Variants in GPHN observed in about 807,000 individuals in gnomAD.
GPHN encodes gephyrin.
A neutral mutation model predicts 95.5 loss-of-function variants in GPHN; 17 were observed. That is an observed-to-expected ratio of 0.18 (90% CI 0.12 to 0.27). GPHN has a LOEUF of 0.27. Ranked by LOEUF, GPHN falls within the 10% of genes least tolerant of loss-of-function variation. The probability of loss-of-function intolerance (pLI) is 1.00; values close to 1 mark genes in which losing one functional copy is unlikely to be tolerated. For missense variants in GPHN, 660 were observed against 978.1 expected (o/e 0.67, Z 4.34); for synonymous variants, 320 against 322.5 (o/e 0.99, Z 0.08).
At chr14:66,768,997 G>A (rs548735705) in intron 2 of GPHN, among the ~76,000 whole-genome samples, 1 of 151,934 alleles carries the variant, frequency 6.6e-6, no homozygotes, top group Non-Finnish European at 1.5e-5. Context: ...GAAAAATGTG[G>A]ATATGTGTAA....
At chr14:67,003,761 C>G (rs751247121) in intron 9 of GPHN, among the ~76,000 whole-genome samples, 1 of 151,634 alleles carries the variant, frequency 6.6e-6, no homozygotes, top group African/African-American at 2.4e-5. Context: ...CTGCCTCTTC[C>G]TGGTAAATGA....
At chr14:67,243,063 C>G in the GPHN span, among the ~76,000 whole-genome samples, 11 of 152,062 alleles carry the variant, frequency 7.2e-5, no homozygotes, top group Non-Finnish European at 1.2e-4. Context: ...TCACCCATTC[C>G]AAGAAATTTG....
the GPHN span, chr14:67,586,460 CTCGCATGTTACCCCTGGGT>C: frequency 7.8e-7 from 1 of 1,276,362 alleles, no homozygotes; most frequent in South Asian, 1.2e-5. Context: ...CTTTAAGGTG[CTCGCATGTTACCCCTGGGT>C]TCTGCTGACC....
At chr14:66,723,232 C>T (rs953949944) in intron 2 of GPHN, among the ~76,000 whole-genome samples, 11 of 151,116 alleles carry the variant, frequency 7.3e-5, no homozygotes, top group East Asian at 1.9e-4. Context: ...CTTGTAAAGA[C>T]GAGTTATAAA....
At chr14:67,473,726 C>T in the GPHN span, 1 of 1,610,430 alleles carries the variant, frequency 6.2e-7, no homozygotes, top group Non-Finnish European at 8.5e-7. The surrounding 1 kb of genome is among the most constrained non-coding windows in gnomAD (Gnocchi z 6.5). Flanking sequence ...GGCCGCGCAG[C>T]CGCAGGTACA....
the GPHN span, among the ~76,000 whole-genome samples, chr14:67,620,718 G>A: frequency 3.9e-5 from 6 of 152,116 alleles, no homozygotes; most frequent in Admixed American, 6.5e-5. Flanking sequence ...AGCCTCTCCC[G>A]TCTTGGCTTG....
chr14:67,646,507 A>T, the GPHN span: 1 of 634,450 alleles, frequency 1.6e-6, no homozygotes, highest in African/African-American at 1.8e-5. Flanking sequence ...TCCCAGATCA[A>T]GTGTGTCCTG....
the GPHN span, among the ~76,000 whole-genome samples, chr14:67,732,650 C>T: frequency 2.0e-5 from 3 of 152,036 alleles, no homozygotes; most frequent in Admixed American, 6.5e-5. Context: ...GATCTCCACT[C>T]ACTGCAACCT....
At chr14:67,238,650 CT>C in the GPHN span, among the ~76,000 whole-genome samples, 77 of 147,200 alleles carry the variant, frequency 5.2e-4, no homozygotes, top group South Asian at 2.1e-3. Flanking sequence ...AAAATAATAA[CT>C]TTTTTTTTTT....
intron 19 of GPHN, among the ~76,000 whole-genome samples, chr14:67,161,082 C>T (rs2081948959): frequency 6.6e-6 from 1 of 152,124 alleles, no homozygotes; most frequent in Non-Finnish European, 1.5e-5. Context: ...GCTTTGAACT[C>T]AGGAGTTCCA....
the GPHN span, among the ~76,000 whole-genome samples, chr14:67,689,475 C>G: frequency 6.6e-6 from 1 of 152,160 alleles, no homozygotes; most frequent in African/African-American, 2.4e-5. Flanking sequence ...CCCTGCCCCT[C>G]CATATTCCCA....
intron 10 of GPHN, among the ~76,000 whole-genome samples, chr14:67,045,509 C>G (rs2074965299): frequency 6.7e-6 from 1 of 148,976 alleles, no homozygotes; most frequent in Non-Finnish European, 1.5e-5. Flanking sequence ...TTGTCTTTCT[C>G]TGTCTGTCTC....
At chr14:67,567,180 C>T in the GPHN span, among the ~76,000 whole-genome samples, 1 of 152,126 alleles carries the variant, frequency 6.6e-6, no homozygotes, top group African/African-American at 2.4e-5. Context: ...ATCACAGTGG[C>T]CAGAAGCCCA....
intron 1 of GPHN, among the ~76,000 whole-genome samples, chr14:66,589,283 C>A (rs965691508): frequency 1.3e-5 from 2 of 152,056 alleles, no homozygotes; most frequent in Non-Finnish European, 2.9e-5. Context: ...AAAAACATAC[C>A]AAATTGTAAA....
intron 3 of GPHN, among the ~76,000 whole-genome samples, chr14:66,813,640 C>G (rs1031546238): frequency 1.3e-5 from 2 of 152,162 alleles, no homozygotes; most frequent in African/African-American, 4.8e-5. Context: ...GATGTGGAGC[C>G]CAGAGGGTTT....
intron 1 of GPHN, among the ~76,000 whole-genome samples, chr14:66,639,834 A>T (rs1355532106): frequency 2.6e-5 from 4 of 152,150 alleles, no homozygotes; most frequent in Non-Finnish European, 5.9e-5. Context: ...TACAAATTTT[A>T]ACAGATATAT....
At chr14:66,871,705 A>G (rs999459917) in intron 4 of GPHN, among the ~76,000 whole-genome samples, 8 of 152,164 alleles carry the variant, frequency 5.3e-5, no homozygotes, top group African/African-American at 1.9e-4. Context: ...GTTCTCACTC[A>G]TAACTGGGAG....
the GPHN span, chr14:67,359,815 C>A: frequency 8.3e-7 from 1 of 1,211,372 alleles, no homozygotes; most frequent in Non-Finnish European, 1.2e-6. Flanking sequence ...GTCACTTGAC[C>A]CCTCTTGTTG....
At chr14:66,781,391 A>G (rs1163699795) in intron 3 of GPHN, among the ~76,000 whole-genome samples, 1 of 151,828 alleles carries the variant, frequency 6.6e-6, no homozygotes, top group African/African-American at 2.4e-5. Flanking sequence ...TAATTTTTGT[A>G]TTTTTAGTAG....
Sources: allele counts gnomAD v4.1 joint callset (sites outside exome capture counted in the v4.1 genomes callset), GRCh38; gene constraint gnomAD v4.1.1; non-coding constraint Gnocchi (gnomAD v3.1); transcripts MANE v1.5; gene names NCBI Gene and HGNC (gene_info 2026-07-23, HGNC 2026-07-21).